ADAMTSL1: variants seen among roughly 807,000 people sequenced by gnomAD.
ADAMTSL1 encodes ADAMTS like 1, also known as ADAMTS-like protein 1.
A neutral mutation model predicts 201.8 loss-of-function variants in ADAMTSL1; 126 were observed. That is an observed-to-expected ratio of 0.62 (90% CI 0.54 to 0.72). The LOEUF is 0.72. Among genes scored for constraint, ADAMTSL1 ranks in the 30% least tolerant of loss-of-function variants. The pLI, the probability that ADAMTSL1 is intolerant of heterozygous loss-of-function variation, is 0.00. For missense variants in ADAMTSL1, 2,679 were observed against 2,277.8 expected (o/e 1.18, Z -3.59); for synonymous variants, 1,121 against 903.4 (o/e 1.24, Z -4.32).
At chr9:18,051,929 C>T (rs945620456) in intron 1 of ADAMTSL1, among the ~76,000 whole-genome samples, 2 of 152,238 alleles carry the variant, frequency 1.3e-5, no homozygotes, top group Non-Finnish European at 2.9e-5. Flanking sequence ...GTTTCTTTCA[C>T]TTTATTGGTT....
chr9:18,035,433 T>C (rs1821153956), intron 1 of ADAMTSL1, among the ~76,000 whole-genome samples: 1 of 152,170 alleles, frequency 6.6e-6, no homozygotes, highest in Non-Finnish European at 1.5e-5. Flanking sequence ...GGTGAGGAGA[T>C]ATGAGGAAGA....
intron 1 of ADAMTSL1, among the ~76,000 whole-genome samples, chr9:18,082,862 T>G (rs1422971670): frequency 6.6e-6 from 1 of 152,192 alleles, no homozygotes; most frequent in African/African-American, 2.4e-5. Context: ...CTTAAATAGC[T>G]AATATAACAT....
chr9:17,996,614 A>T (rs569689396), intron 1 of ADAMTSL1, among the ~76,000 whole-genome samples: 6 of 151,998 alleles, frequency 3.9e-5, no homozygotes, highest in Admixed American at 1.3e-4. Context: ...ATTGTTTCCC[A>T]TATTGAATCC....
At chr9:18,805,043 T>G (rs1823019829) in intron 20 of ADAMTSL1, among the ~76,000 whole-genome samples, 1 of 152,242 alleles carries the variant, frequency 6.6e-6, no homozygotes, top group Non-Finnish European at 1.5e-5. Context: ...CTTTTTTGTG[T>G]TTTAAACTGA....
chr9:18,564,977 A>G (rs572202720), intron 3 of ADAMTSL1, among the ~76,000 whole-genome samples: 12 of 152,330 alleles, frequency 7.9e-5, no homozygotes, highest in African/African-American at 2.4e-4. Context: ...GAGAAAAAGT[A>G]AAAGCACTGA....
At chr9:18,011,594 T>A (rs1820053403) in intron 1 of ADAMTSL1, among the ~76,000 whole-genome samples, 1 of 152,058 alleles carries the variant, frequency 6.6e-6, no homozygotes. Flanking sequence ...TAGATGGCAC[T>A]TGAGCCTGCC....
At chr9:18,071,844 ATAT>A (rs1437246408) in intron 1 of ADAMTSL1, among the ~76,000 whole-genome samples, 1 of 152,122 alleles carries the variant, frequency 6.6e-6, no homozygotes, top group Non-Finnish European at 1.5e-5. Context: ...TGCTGGAGAG[ATAT>A]TGTGAAGGGT....
chr9:17,976,173 G>A (rs1478038588), intron 1 of ADAMTSL1, among the ~76,000 whole-genome samples: 1 of 151,870 alleles, frequency 6.6e-6, no homozygotes, highest in East Asian at 1.9e-4. Flanking sequence ...TTCCAGCTTT[G>A]TTCTTGTTCA....
At chr9:18,619,042 G>A (rs531574496) in intron 4 of ADAMTSL1, among the ~76,000 whole-genome samples, 1 of 152,258 alleles carries the variant, frequency 6.6e-6, no homozygotes, top group Non-Finnish European at 1.5e-5. Flanking sequence ...TTGAGCAGAC[G>A]CCTGATTTGG....
At chr9:18,232,644 C>A (rs1278357484) in intron 2 of ADAMTSL1, among the ~76,000 whole-genome samples, 1 of 152,094 alleles carries the variant, frequency 6.6e-6, no homozygotes, top group Non-Finnish European at 1.5e-5. Context: ...TGTAGTTAGA[C>A]CTCTAGAGTT....
At chr9:18,267,613 G>A (rs1274424113) in intron 2 of ADAMTSL1, among the ~76,000 whole-genome samples, 4 of 152,192 alleles carry the variant, frequency 2.6e-5, no homozygotes, top group African/African-American at 9.6e-5. Flanking sequence ...ACTGAAGAAA[G>A]AATAGACAGA....
chr9:18,515,716 C>A (rs1283606238), intron 2 of ADAMTSL1, among the ~76,000 whole-genome samples: 1 of 152,124 alleles, frequency 6.6e-6, no homozygotes, highest in East Asian at 1.9e-4. Context: ...GTCATGGATA[C>A]AAGCATGTCA....
chr9:18,084,249 C>T (rs192974941), intron 1 of ADAMTSL1, among the ~76,000 whole-genome samples: 14 of 152,164 alleles, frequency 9.2e-5, no homozygotes, highest in African/African-American at 2.2e-4. Context: ...AGGCTGGGCG[C>T]GGTGGCTCAT....
chr9:18,090,199 C>T (rs1823947988), intron 1 of ADAMTSL1, among the ~76,000 whole-genome samples: 1 of 152,062 alleles, frequency 6.6e-6, no homozygotes, highest in African/African-American at 2.4e-5. Context: ...GCCACTTCCT[C>T]AAAAAATTAA....
chr9:18,769,981 C>T (rs1200144749), intron 16 of ADAMTSL1, among the ~76,000 whole-genome samples: 2 of 152,264 alleles, frequency 1.3e-5, no homozygotes, highest in African/African-American at 2.4e-5. Context: ...ATTGGGGTTC[C>T]TCTGAAAACC....
intron 2 of ADAMTSL1, among the ~76,000 whole-genome samples, chr9:18,308,621 C>T (rs1235931064): frequency 6.6e-6 from 1 of 151,970 alleles, no homozygotes; most frequent in East Asian, 1.9e-4. Flanking sequence ...ACACACCTTC[C>T]CCAGACTAAA....
At chr9:17,975,826 A>T (rs893477577) in intron 1 of ADAMTSL1, among the ~76,000 whole-genome samples, 1 of 151,702 alleles carries the variant, frequency 6.6e-6, no homozygotes, top group African/African-American at 2.4e-5. Flanking sequence ...TTTCACCTAT[A>T]CTTTCTTCTT....
chr9:18,899,877 T>C (rs1030727424), intron 26 of ADAMTSL1, among the ~76,000 whole-genome samples: 22 of 152,144 alleles, frequency 1.4e-4, no homozygotes, highest in African/African-American at 5.1e-4. Flanking sequence ...AACATAGGCA[T>C]AGGCAAAGAT....
At chr9:18,655,458 T>C (rs1382319199) in intron 7 of ADAMTSL1, among the ~76,000 whole-genome samples, 3 of 152,134 alleles carry the variant, frequency 2.0e-5, no homozygotes, top group Admixed American at 2.0e-4. Context: ...ATATACCAGA[T>C]GTGTTTAGCT....
Sources: allele counts gnomAD v4.1 joint callset (sites outside exome capture counted in the v4.1 genomes callset), GRCh38; gene constraint gnomAD v4.1.1; transcripts MANE v1.5; gene names NCBI Gene and HGNC (gene_info 2026-07-23, HGNC 2026-07-21).